The following GRID1 variants were observed in gnomAD, a reference collection of about 807,000 sequenced individuals.
GRID1 encodes glutamate ionotropic receptor delta type subunit 1.
In GRID1, 28 loss-of-function variants were observed where a neutral mutation model predicts 98.0. The observed-to-expected ratio is 0.29, with a 90% confidence interval of 0.21 to 0.39. The LOEUF is 0.39. Among genes scored for constraint, GRID1 ranks in the 10% least tolerant of loss-of-function variants. The probability of loss-of-function intolerance (pLI) is 1.00; values close to 1 mark genes in which losing one functional copy is unlikely to be tolerated. For missense variants in GRID1, 1,111 were observed against 1,340.5 expected (o/e 0.83, Z 2.67); for synonymous variants, 553 against 538.5 (o/e 1.03, Z -0.37).
At chr10:85,988,540 T>C (rs1842639959) in intron 4 of GRID1, among the ~76,000 whole-genome samples, 1 of 152,140 alleles carries the variant, frequency 6.6e-6, no homozygotes, top group Non-Finnish European at 1.5e-5. Flanking sequence ...CCCCTGGGCC[T>C]AGGGGGACTA....
At chr10:86,316,912 C>T (rs1218700911) in intron 2 of GRID1, among the ~76,000 whole-genome samples, 1 of 152,232 alleles carries the variant, frequency 6.6e-6, no homozygotes, top group Non-Finnish European at 1.5e-5. Flanking sequence ...ACAAGAATCA[C>T]AAGAATCACC....
At chr10:85,634,571 G>C (rs946720291) in intron 13 of GRID1, among the ~76,000 whole-genome samples, 3 of 152,100 alleles carry the variant, frequency 2.0e-5, no homozygotes, top group Non-Finnish European at 4.4e-5. Flanking sequence ...TTTGAGTTTT[G>C]CATTCCTTAT....
chr10:85,932,978 A>C (rs1419928903), intron 4 of GRID1, among the ~76,000 whole-genome samples: 1 of 152,186 alleles, frequency 6.6e-6, no homozygotes, highest in Non-Finnish European at 1.5e-5. Context: ...ATGTATCCCC[A>C]AAAAAACATG....
At chr10:86,115,376 T>G (rs944329875) in intron 4 of GRID1, among the ~76,000 whole-genome samples, 2 of 152,168 alleles carry the variant, frequency 1.3e-5, no homozygotes, top group African/African-American at 4.8e-5. Flanking sequence ...AATGAATGAA[T>G]GAACAGATGA....
intron 4 of GRID1, among the ~76,000 whole-genome samples, chr10:85,991,175 G>A (rs1046069402): frequency 2.0e-5 from 3 of 152,166 alleles, no homozygotes; most frequent in Non-Finnish European, 4.4e-5. Context: ...CCTTCTGGCT[G>A]GGTCTAGTTC....
rs545644047 is a variant in GRID1 at position 86,211,410 on chromosome 10, C to A, written c.236-4762G>T. ...ACAAACTGTAATGAGCGGCTTCCAG[C>A]CCCCCCACCTGCACCCTGTGTCCTG... On this transcript the variant is annotated intron_variant, in intron 2 of 15. Coordinates refer to ENST00000327946, the MANE Select transcript of GRID1 (RefSeq NM_017551.3). Among the ~76,000 whole-genome samples the A allele has an allele frequency of 9.9e-5, 15 of 152,230 alleles. No individual in the cohort carries two copies. The South Asian group carries it at 3.1e-3, about 32-fold the overall frequency.
At chr10:85,680,321 C>T (rs1841193846) in intron 12 of GRID1, among the ~76,000 whole-genome samples, 1 of 152,126 alleles carries the variant, frequency 6.6e-6, no homozygotes, top group Admixed American at 6.5e-5. Flanking sequence ...CGACTACACC[C>T]TCACTCCTTC....
chr10:85,913,057 G>A (rs1268403906), intron 5 of GRID1, among the ~76,000 whole-genome samples: 3 of 152,128 alleles, frequency 2.0e-5, no homozygotes, highest in Non-Finnish European at 4.4e-5. Context: ...AAAACACCAC[G>A]GTCCTTAACC....
chr10:85,711,764 T>C (rs1311859478), intron 12 of GRID1, among the ~76,000 whole-genome samples: 2 of 151,776 alleles, frequency 1.3e-5, no homozygotes, highest in African/African-American at 4.8e-5. Flanking sequence ...TAAAACTAAA[T>C]ATAGAAGATT....
chr10:86,042,014 C>T (rs1385308861), intron 4 of GRID1, among the ~76,000 whole-genome samples: 2 of 152,196 alleles, frequency 1.3e-5, no homozygotes, highest in East Asian at 3.9e-4. Context: ...TCAAAGCCAA[C>T]CCTCTTGCTT....
chr10:85,868,621 G>A (rs1843245850), intron 6 of GRID1, among the ~76,000 whole-genome samples: 1 of 152,168 alleles, frequency 6.6e-6, no homozygotes, highest in Non-Finnish European at 1.5e-5. Context: ...CAAGGGTCGT[G>A]TCTATATTAA....
intron 8 of GRID1, among the ~76,000 whole-genome samples, chr10:85,743,102 G>A (rs2132675446): frequency 1.1e-5 from 1 of 92,284 alleles, no homozygotes; most frequent in African/African-American, 3.5e-5. Context: ...ATAGAATTAT[G>A]CAGCCCCCCC....
intron 8 of GRID1, among the ~76,000 whole-genome samples, chr10:85,850,581 T>A (rs886333455): frequency 6.6e-6 from 1 of 152,206 alleles, no homozygotes; most frequent in African/African-American, 2.4e-5. Context: ...GGCCTTGGCT[T>A]TGGAGCTATA....
intron 8 of GRID1, among the ~76,000 whole-genome samples, chr10:85,754,215 T>G (rs1332387643): frequency 6.6e-6 from 1 of 152,162 alleles, no homozygotes; most frequent in East Asian, 1.9e-4. Context: ...GAAATGTCAT[T>G]TTTCAAATGT....
At chr10:86,333,924 C>T (rs1022734371) in intron 2 of GRID1, among the ~76,000 whole-genome samples, 4 of 152,106 alleles carry the variant, frequency 2.6e-5, no homozygotes, top group African/African-American at 4.8e-5. Flanking sequence ...ACAGTTCAAA[C>T]CAATGCTGTT....
chr10:85,684,452 ATT>A (rs1841246349), intron 12 of GRID1, among the ~76,000 whole-genome samples: 1 of 152,170 alleles, frequency 6.6e-6, no homozygotes, highest in Non-Finnish European at 1.5e-5. Context: ...TATCTATGTA[ATT>A]TGTTATATTC....
At chr10:85,672,896 T>C (rs1328465290) in intron 12 of GRID1, among the ~76,000 whole-genome samples, 1 of 152,188 alleles carries the variant, frequency 6.6e-6, no homozygotes, top group Non-Finnish European at 1.5e-5. Flanking sequence ...AGAAATACAC[T>C]TCATAAGGCT....
At chr10:86,236,361 G>C (rs1469198841) in intron 2 of GRID1, among the ~76,000 whole-genome samples, 4 of 152,198 alleles carry the variant, frequency 2.6e-5, no homozygotes, top group Non-Finnish European at 5.9e-5. Flanking sequence ...TCACCTGCAA[G>C]TTGAAGTATG....
intron 8 of GRID1, among the ~76,000 whole-genome samples, chr10:85,770,780 G>T (rs1227630426): frequency 6.6e-6 from 1 of 152,118 alleles, no homozygotes; most frequent in Non-Finnish European, 1.5e-5. Context: ...AGAGAAAAAA[G>T]AATAAAAAGA....
Sources: gnomAD v4.1 joint callset for allele counts (sites outside exome capture counted in the v4.1 genomes callset) on GRCh38, gnomAD v4.1.1 for gene constraint, MANE v1.5 for transcripts, NCBI Gene and HGNC (gene_info 2026-07-23, HGNC 2026-07-21) for gene names.